ADCY3: variants seen among roughly 807,000 people sequenced by gnomAD.
ADCY3 encodes adenylate cyclase 3, also known as adenylate cyclase type 3.
A neutral mutation model predicts 119.4 loss-of-function variants in ADCY3; 70 were observed. The observed-to-expected ratio is 0.59, with a 90% CI of 0.48 to 0.72. The LOEUF (loss-of-function observed/expected upper bound fraction) is 0.72. ADCY3 is among the 30% of genes least tolerant of loss of function. The probability of loss-of-function intolerance (pLI) is 0.00; values close to 1 mark genes in which losing one functional copy is unlikely to be tolerated. For missense variants in ADCY3, 1,238 were observed against 1,541.6 expected (o/e 0.80, Z 3.30); for synonymous variants, 672 against 621.4 (o/e 1.08, Z -1.21).
At chr2:24,884,695 T>G (rs780472061) in intron 2 of ADCY3, among the ~76,000 whole-genome samples, 2 of 152,216 alleles carry the variant, frequency 1.3e-5, no homozygotes, top group Admixed American at 6.5e-5. Flanking sequence ...CTGGCTGGTC[T>G]TGAACTCCTG....
intron 2 of ADCY3, among the ~76,000 whole-genome samples, chr2:24,916,838 TG>T (rs1312814645): frequency 6.6e-6 from 1 of 151,876 alleles, no homozygotes; most frequent in Non-Finnish European, 1.5e-5. Flanking sequence ...GGAGGTGGGG[TG>T]GGAAGCAAAG....
intron 2 of ADCY3, among the ~76,000 whole-genome samples, chr2:24,909,316 T>C (rs939328773): frequency 6.6e-6 from 1 of 152,052 alleles, no homozygotes; most frequent in African/African-American, 2.4e-5. Context: ...TTCTGAAGCT[T>C]GTGCACCTGC....
intron 3 of ADCY3, among the ~76,000 whole-genome samples, chr2:24,867,466 G>A (rs1674441272): frequency 6.6e-6 from 1 of 152,208 alleles, no homozygotes; most frequent in African/African-American, 2.4e-5. Context: ...CCACCCTTCT[G>A]CCATGTATGG....
At chr2:24,847,302 C>T (rs944404744) in intron 3 of ADCY3, among the ~76,000 whole-genome samples, 45 of 152,274 alleles carry the variant, frequency 3.0e-4, no homozygotes, top group Non-Finnish European at 5.9e-4. Flanking sequence ...ACCATGATTC[C>T]GAGGCCTCCC....
At chr2:24,915,628 C>A (rs1362565270) in intron 2 of ADCY3, among the ~76,000 whole-genome samples, 2 of 152,124 alleles carry the variant, frequency 1.3e-5, no homozygotes, top group African/African-American at 4.8e-5. Context: ...ACAATCTCTG[C>A]CTCCTAGGTT....
At chr2:24,903,495 C>T (rs1573037920) in intron 2 of ADCY3, among the ~76,000 whole-genome samples, 2 of 152,158 alleles carry the variant, frequency 1.3e-5, no homozygotes, top group East Asian at 1.9e-4. Flanking sequence ...GCGCCTTCTT[C>T]ACCCTCTGTT....
rs1572837319 is a variant in ADCY3 at position 24,834,708 on chromosome 2, G to A, written c.1806-62C>T. The A allele has an allele frequency of 1.9e-6, 3 of 1,603,284 alleles. No homozygotes were observed. Among genetic ancestry groups the A allele is most frequent in the South Asian group, 1.1e-5 (1 of 90,742 alleles). On this transcript the variant is annotated intron_variant, in intron 10 of 21. Transcript: ENST00000679454. This position sits in a 1 kb window ranked among gnomAD's most constrained non-coding sequence, Gnocchi z 4.2. ...ACATCTGCCTTGGCCTAGCAGGGGG[G>A]CCGTATTTGGGATGCTCAGTTTCCT...
At chr2:24,831,836 G>T (rs551685281) in intron 11 of ADCY3, 87 bp from the exon 12 acceptor site, 8 of 918,660 alleles carry the variant, frequency 8.7e-6, no homozygotes, top group African/African-American at 8.3e-5. Context: ...CGGGGATGGG[G>T]GCAGGGGCCA....
At chr2:24,887,194 G>A (rs889135893) in intron 2 of ADCY3, among the ~76,000 whole-genome samples, 5 of 152,288 alleles carry the variant, frequency 3.3e-5, no homozygotes, top group South Asian at 2.1e-4. Context: ...CCGAGCGAAA[G>A]GGGAAGAGCC....
intron 13 of ADCY3, 151 bp downstream of exon 13, chr2:24,830,558 G>C (rs1375921792): frequency 3.2e-6 from 2 of 624,804 alleles, no homozygotes; most frequent in Non-Finnish European, 5.7e-6. Flanking sequence ...CCTTCCACTA[G>C]GTGGGGATGA....
chr2:24,872,617 G>C lies in ADCY3; in HGVS notation c.778C>G (p.Gln260Glu). ...KHRKAFLEAR[Q>E]SLEVKMNLEE... ...AGGTTCATCTTCACCTCCAGCGACT[G>C]GCGGGCCTCCAGGAAGGCCTTGCGG... The change falls in exon 3 of 22, where the codon CAG (glutamine) becomes GAG (glutamate). Residue 260 changes from glutamine to glutamate, a missense_variant. By Grantham distance (29) the Gln-to-Glu change is conservative (BLOSUM62 2). Coordinates refer to ENST00000679454, the MANE Select transcript of ADCY3 (RefSeq NM_004036.5). This position sits in a 1 kb window ranked among gnomAD's most constrained non-coding sequence, Gnocchi z 4.4. The C allele has an allele frequency of 6.2e-7, 1 of 1,614,206 alleles. No individual in the cohort carries two copies. Among genetic ancestry groups the C allele is most frequent in the Non-Finnish European group, 8.5e-7 (1 of 1,180,032 alleles).
chr2:24,854,606 C>T (rs373617242), intron 3 of ADCY3, among the ~76,000 whole-genome samples: 1 of 152,192 alleles, frequency 6.6e-6, no homozygotes, highest in Non-Finnish European at 1.5e-5. Flanking sequence ...GTGCAACATA[C>T]AGGATGAAAT....
intron 6 of ADCY3, 100 bp from the exon 7 acceptor site, chr2:24,840,131 C>A: frequency 1.4e-6 from 2 of 1,480,412 alleles, no homozygotes; most frequent in Non-Finnish European, 9.1e-7. Flanking sequence ...GCCTCTTCCC[C>A]TCCACAAGAG....
chr2:24,830,591 A>G (rs1262973442), intron 13 of ADCY3, 118 bp downstream of exon 13: 11 of 732,740 alleles, frequency 1.5e-5, no homozygotes, highest in Non-Finnish European at 2.1e-5. Context: ...CCTAAGAGCC[A>G]CTCCAAAGCT....
At chr2:24,883,601 T>TC (rs1676672638) in intron 2 of ADCY3, among the ~76,000 whole-genome samples, 1 of 152,224 alleles carries the variant, frequency 6.6e-6, no homozygotes, top group East Asian at 1.9e-4. Context: ...ATGAAAGGGC[T>TC]CCATGCTTTT....
At chr2:24,833,928 G>A (rs947762529) in intron 11 of ADCY3, among the ~76,000 whole-genome samples, 3 of 152,238 alleles carry the variant, frequency 2.0e-5, no homozygotes, top group Admixed American at 6.5e-5. Flanking sequence ...CCTCTGTGAC[G>A]GGGAATCCCC....
In ADCY3 at chr2:24,899,688, A is replaced by G. The variant is rs2148982550; in HGVS notation, c.675+18625T>C. Among the ~76,000 whole-genome samples the G allele has an allele frequency of 6.6e-6, 1 of 152,364 alleles. No individual in the cohort carries two copies. Among genetic ancestry groups the G allele is most frequent in the African/African-American group, 2.4e-5 (1 of 41,584 alleles). ...ATCCCCTTGAGAGGAAACTACAGTTACCATAGAGGGGTGTGTAGAGCTTTG... is the reference window on the plus strand; with the variant it reads ...ATCCCCTTGAGAGGAAACTACAGTTGCCATAGAGGGGTGTGTAGAGCTTTG... On this transcript the variant is annotated intron_variant, in intron 2 of 21. Transcript: ENST00000679454. This position sits in a 1 kb window ranked among gnomAD's most constrained non-coding sequence, Gnocchi z 4.5.
In ADCY3 at chr2:24,827,544, A is replaced by G; in HGVS notation, c.2495+2T>C. 1 of 1,583,218 alleles carries G rather than the reference A, an allele frequency of 6.3e-7. No homozygotes were observed. Among genetic ancestry groups the G allele is most frequent in the Non-Finnish European group, 8.6e-7 (1 of 1,161,658 alleles). Reference sequence around the variant, plus strand: ...GCCAGGAGGGGAAGCCGTGGCCCTTACCTGTCAGTGCCATTGAGCCCAGGG... The same window carrying G: ...GCCAGGAGGGGAAGCCGTGGCCCTTGCCTGTCAGTGCCATTGAGCCCAGGG... On this transcript the variant is annotated splice_donor_variant, in intron 15 of 21. Coordinates refer to ENST00000679454, the MANE Select transcript of ADCY3 (RefSeq NM_004036.5). LOFTEE classifies it high-confidence loss of function.
At chr2:24,880,776 G>A (rs956323432) in intron 2 of ADCY3, among the ~76,000 whole-genome samples, 9 of 152,272 alleles carry the variant, frequency 5.9e-5, no homozygotes, top group Non-Finnish European at 1.3e-4. Flanking sequence ...AGCACTTTGG[G>A]AGGCCAAGGC....
Sources: allele counts gnomAD v4.1 joint callset (sites outside exome capture counted in the v4.1 genomes callset), GRCh38; gene constraint gnomAD v4.1.1; non-coding constraint Gnocchi (gnomAD v3.1); transcripts MANE v1.5; gene names NCBI Gene and HGNC (gene_info 2026-07-23, HGNC 2026-07-21).